Variants in CTNNA2 observed in about 807,000 individuals in gnomAD.
CTNNA2 encodes the protein catenin alpha 2, also known as catenin alpha-2.
CTNNA2 carries 42 observed loss-of-function variants against 101.0 expected under a neutral mutation model. That is an observed-to-expected ratio of 0.42 (90% CI 0.32 to 0.54). The LOEUF is 0.54. CTNNA2 is among the 20% of genes least tolerant of loss of function. The pLI, the probability that CTNNA2 is intolerant of heterozygous loss-of-function variation, is 0.14. For missense variants in CTNNA2, 871 were observed against 1,223.1 expected, an observed-to-expected ratio of 0.71 and a Z score of 4.29; for synonymous variants, 450 against 456.4, an observed-to-expected ratio of 0.99 and a Z score of 0.18.
intron 7 of CTNNA2, among the ~76,000 whole-genome samples, chr2:80,216,569 A>G (rs1002559051): frequency 1.3e-5 from 2 of 152,156 alleles, no homozygotes; most frequent in Non-Finnish European, 2.9e-5. Flanking sequence ...AAGAAGCCAT[A>G]GAGCTAGCTA....
chr2:80,109,276 T>C (rs1037093669), intron 7 of CTNNA2, among the ~76,000 whole-genome samples: 1 of 151,150 alleles, frequency 6.6e-6, no homozygotes, highest in African/African-American at 2.4e-5. Flanking sequence ...CTGGCCAACA[T>C]GGTGAAACCC....
chr2:79,749,618 G>A (rs1004746787), intron 3 of CTNNA2, among the ~76,000 whole-genome samples: 2 of 152,184 alleles, frequency 1.3e-5, no homozygotes, highest in African/African-American at 4.8e-5. Context: ...CACATGGTAG[G>A]TGATATTCAG....
chr2:79,901,682 G>C (rs10211168), intron 6 of CTNNA2, among the ~76,000 whole-genome samples: 1 of 152,086 alleles, frequency 6.6e-6, no homozygotes, highest in African/African-American at 2.4e-5. Flanking sequence ...GTAAAGATGA[G>C]TAAGATTTTC....
At position 80,109,490 on chromosome 2, in the gene CTNNA2, A is replaced by G. The variant is rs1003621497; in HGVS notation, c.1056+199693A>G. Among the ~76,000 whole-genome samples, 4 of 150,324 alleles carry G rather than the reference A, an allele frequency of 2.7e-5. No individual in the cohort carries two copies. The South Asian group carries it at 6.2e-4, about 23-fold the overall frequency. ...AACAAACAAACAAACAAACAAACAA[A>G]CAAGAACTTATTGACTCCCAGGATA... On this transcript the variant is annotated intron_variant, in intron 7 of 18. Transcript: ENST00000402739.
At chr2:79,364,668 G>T (rs1397670944) in intron 3 of CTNNA2, among the ~76,000 whole-genome samples, 3 of 152,104 alleles carry the variant, frequency 2.0e-5, no homozygotes, top group Non-Finnish European at 2.9e-5. Flanking sequence ...AAATTTCAAA[G>T]ACAATCTTAT....
intron 2 of CTNNA2, among the ~76,000 whole-genome samples, chr2:79,235,864 A>G (rs1278772228): frequency 2.6e-5 from 4 of 152,016 alleles, no homozygotes; most frequent in Non-Finnish European, 4.4e-5. Flanking sequence ...CCACCTGGCT[A>G]TCAGTGACAG....
In CTNNA2 at chr2:80,512,748, A is replaced by AT. The variant is rs1221157344; in HGVS notation, c.1291-32227dup. Among the ~76,000 whole-genome samples, 7 of 151,402 alleles carry AT rather than the reference A, an allele frequency of 4.6e-5. 1 individual carries two copies. Among genetic ancestry groups the AT allele is most frequent in the African/African-American group, 1.5e-4 (6 of 41,284 alleles). On this transcript the variant is annotated intron_variant, in intron 9 of 18. Transcript: ENST00000402739. Reference sequence around the variant, plus strand: ...TTCACCTATGTCAGTGTTTTTTAGTATTTTTTTCATCACTGTCCCCTTAAG... The same window carrying AT: ...TTCACCTATGTCAGTGTTTTTTAGTATTTTTTTTCATCACTGTCCCCTTAAG...
At chr2:79,416,257 CTTTTTTTTTTTTTT>C (rs66830925) in intron 4 of CTNNA2, among the ~76,000 whole-genome samples, 2 of 94,656 alleles carry the variant, frequency 2.1e-5, no homozygotes, top group Non-Finnish European at 4.2e-5. Flanking sequence ...CTTTCCTTTT[CTTTTTTTTTTTTTT>C]TTTTTTTTTT....
At chr2:79,387,554 T>C (rs1157844849) in intron 4 of CTNNA2, among the ~76,000 whole-genome samples, 2 of 152,168 alleles carry the variant, frequency 1.3e-5, no homozygotes. Context: ...GAGACACAGC[T>C]ACATAGGCCA....
At chr2:79,534,953 T>G (rs1378282942) in intron 1 of CTNNA2, among the ~76,000 whole-genome samples, 1 of 151,884 alleles carries the variant, frequency 6.6e-6, no homozygotes, top group African/African-American at 2.4e-5. Flanking sequence ...CATAACTATT[T>G]AATCTGATAT....
chr2:79,272,564 A>G (rs1675110876), intron 2 of CTNNA2, among the ~76,000 whole-genome samples: 1 of 152,056 alleles, frequency 6.6e-6, no homozygotes, highest in Non-Finnish European at 1.5e-5. Context: ...GCATAAAACA[A>G]ATGACCAAGA....
intron 2 of CTNNA2, among the ~76,000 whole-genome samples, chr2:79,662,489 G>A (rs1022495720): frequency 1.3e-5 from 2 of 152,082 alleles, no homozygotes; most frequent in Non-Finnish European, 2.9e-5. Context: ...AAGATTGGGG[G>A]CGGTTAGCTA....
At chr2:79,361,318 A>G (rs2104447102) in intron 3 of CTNNA2, among the ~76,000 whole-genome samples, 1 of 152,338 alleles carries the variant, frequency 6.6e-6, no homozygotes, top group South Asian at 2.1e-4. Context: ...AGGTAAATCT[A>G]ATTGGGTGGA....
intron 3 of CTNNA2, among the ~76,000 whole-genome samples, chr2:79,815,460 T>G (rs895202973): frequency 1.4e-5 from 2 of 147,302 alleles, no homozygotes; most frequent in African/African-American, 4.9e-5. Flanking sequence ...AGGTGAGAAA[T>G]GAGGATCCAG....
intron 4 of CTNNA2, chr2:79,498,270 T>G (rs1260971936): frequency 6.6e-6 from 1 of 152,004 alleles, no homozygotes; most frequent in Non-Finnish European, 1.5e-5. Context: ...CATGGAAGAG[T>G]GTGTCCTTTC....
rs1032593412 is a variant in CTNNA2, at chr2:80,427,863, A to G, written c.1290+8262A>G. Reference sequence around the variant, plus strand: ...TGCTGGTCTAGTTGCTGGCAACATAACCATGAACAAATCAGAGGAAGTTCC... The same window carrying G: ...TGCTGGTCTAGTTGCTGGCAACATAGCCATGAACAAATCAGAGGAAGTTCC... On this transcript the variant is annotated intron_variant, in intron 9 of 18. Coordinates refer to ENST00000402739, the MANE Select transcript of CTNNA2 (RefSeq NM_001282597.3). Among the ~76,000 whole-genome samples the G allele has an allele frequency of 3.3e-5, 5 of 152,360 alleles. No homozygotes were observed. The South Asian group carries it at 8.3e-4, about 25-fold the overall frequency.
At chr2:80,315,486 C>T (rs1678025834) in intron 7 of CTNNA2, among the ~76,000 whole-genome samples, 1 of 152,156 alleles carries the variant, frequency 6.6e-6, no homozygotes, top group African/African-American at 2.4e-5. Context: ...AGCCTGTTGG[C>T]TGGGACTCAA....
chr2:80,369,208 C>A (rs781283239), intron 7 of CTNNA2, among the ~76,000 whole-genome samples: 1 of 151,972 alleles, frequency 6.6e-6, no homozygotes, highest in Non-Finnish European at 1.5e-5. Flanking sequence ...TTATAGTGAA[C>A]TAGGATTTTA....
At chr2:80,126,620 C>G (rs1398227965) in intron 7 of CTNNA2, among the ~76,000 whole-genome samples, 6 of 79,302 alleles carry the variant, frequency 7.6e-5, no homozygotes, top group Non-Finnish European at 1.5e-4. Flanking sequence ...CCCTCCCTCC[C>G]TCCCTCCCTC....
Sources: gnomAD v4.1 joint callset for allele counts (sites outside exome capture counted in the v4.1 genomes callset) on GRCh38, gnomAD v4.1.1 for gene constraint, MANE v1.5 for transcripts, NCBI Gene and HGNC (gene_info 2026-07-23, HGNC 2026-07-21) for gene names.